DNAH6: variants seen among roughly 807,000 people sequenced by gnomAD.
The protein encoded by DNAH6 is dynein axonemal heavy chain 6, also known as axonemal beta dynein heavy chain 6.
DNAH6 carries 340 observed loss-of-function variants against 491.4 expected under a neutral mutation model. That is an observed-to-expected ratio of 0.69 (90% CI 0.63 to 0.76). The LOEUF (loss-of-function observed/expected upper bound fraction) is 0.76, where lower values mean the gene tolerates loss of function less well. Among genes scored for constraint, DNAH6 ranks in the 30% least tolerant of loss-of-function variants. The probability of loss-of-function intolerance (pLI) is 0.00; values close to 1 mark genes in which losing one functional copy is unlikely to be tolerated. For missense variants in DNAH6, 4,443 were observed against 4,972.2 expected, an observed-to-expected ratio of 0.89 and a Z score of 3.20; for synonymous variants, 1,603 against 1,686.1, an observed-to-expected ratio of 0.95 and a Z score of 1.21.
intron 61 of DNAH6, among the ~76,000 whole-genome samples, chr2:84,729,707 A>G (rs1698965881): frequency 6.6e-6 from 1 of 152,204 alleles, no homozygotes; most frequent in Non-Finnish European, 1.5e-5. Flanking sequence ...TCTCTGAATT[A>G]TTTTTAATTA....
At chr2:84,516,971 A>G (rs1163737452) in intron 1 of DNAH6, among the ~76,000 whole-genome samples, 5 of 152,236 alleles carry the variant, frequency 3.3e-5, no homozygotes, top group African/African-American at 4.8e-5. Flanking sequence ...TATGTTTTGT[A>G]TATGGTAAAT....
At chr2:84,511,227 C>T in the DNAH6 span, among the ~76,000 whole-genome samples, 1 of 152,188 alleles carries the variant, frequency 6.6e-6, no homozygotes, top group Non-Finnish European at 1.5e-5. Context: ...CCACCCAGTT[C>T]GAGCTTCCTG....
chr2:84,521,325 G>T (rs763239550), intron 2 of DNAH6, among the ~76,000 whole-genome samples: 5 of 151,674 alleles, frequency 3.3e-5, no homozygotes, highest in Admixed American at 1.3e-4. Flanking sequence ...GGGTTTGTTT[G>T]TGGGTTTTTT....
intron 13 of DNAH6, among the ~76,000 whole-genome samples, chr2:84,578,857 C>G (rs1341787515): frequency 6.6e-6 from 1 of 152,156 alleles, no homozygotes; most frequent in Non-Finnish European, 1.5e-5. Flanking sequence ...GTTCTCCTGA[C>G]AGTAAGTGAA....
At chr2:84,487,405 C>T in the DNAH6 span, among the ~76,000 whole-genome samples, 3 of 152,134 alleles carry the variant, frequency 2.0e-5, no homozygotes, top group Non-Finnish European at 4.4e-5. Flanking sequence ...TAATATGAAC[C>T]CTGTGAAGAG....
At chr2:84,639,539 C>G (rs1170265970) in intron 31 of DNAH6, among the ~76,000 whole-genome samples, 1 of 151,890 alleles carries the variant, frequency 6.6e-6, no homozygotes, top group Non-Finnish European at 1.5e-5. Flanking sequence ...CTACCTCAGC[C>G]TCCCAAGTAG....
At chr2:84,688,620 T>C in intron 45 of DNAH6, 27 bp downstream of exon 45, 1 of 1,488,654 alleles carries the variant, frequency 6.7e-7, no homozygotes, top group Non-Finnish European at 8.9e-7. Context: ...CGCCCAATAA[T>C]GCATTGATTT....
chr2:84,523,194 G>T (rs918393478), intron 2 of DNAH6, among the ~76,000 whole-genome samples: 18 of 152,038 alleles, frequency 1.2e-4, no homozygotes, highest in Admixed American at 8.5e-4. Context: ...GGGTGTATGT[G>T]TCCAGGAATT....
At chr2:84,596,694 A>G (rs1369586335) in intron 18 of DNAH6, among the ~76,000 whole-genome samples, 1 of 152,164 alleles carries the variant, frequency 6.6e-6, no homozygotes, top group Non-Finnish European at 1.5e-5. Context: ...GTGGAGAAGA[A>G]AAGTAAGCAA....
the DNAH6 span, among the ~76,000 whole-genome samples, chr2:84,483,671 T>C: frequency 6.6e-6 from 1 of 152,154 alleles, no homozygotes; most frequent in African/African-American, 2.4e-5. Flanking sequence ...GGATTTAATA[T>C]AAAAACCTTA....
At chr2:84,513,077 T>C (rs977339491), upstream of DNAH6, among the ~76,000 whole-genome samples, 2 of 152,124 alleles carry the variant, frequency 1.3e-5, no homozygotes, top group Admixed American at 1.3e-4. Flanking sequence ...GGTAGATTTT[T>C]TTAAGTGTAC....
chr2:84,759,570 G>T (rs1195117503), intron 63 of DNAH6, among the ~76,000 whole-genome samples: 2 of 151,788 alleles, frequency 1.3e-5, no homozygotes, highest in Admixed American at 1.3e-4. Flanking sequence ...GGAAGTGAAA[G>T]ATCTCTACAA....
intron 72 of DNAH6, among the ~76,000 whole-genome samples, chr2:84,809,766 TGG>T (rs1406206220): frequency 6.6e-6 from 1 of 152,198 alleles, no homozygotes; most frequent in Admixed American, 6.5e-5. Flanking sequence ...CTTCTGTGTC[TGG>T]GTCTAAGGTG....
rs575430198 is a variant in DNAH6 at position 84,816,994 on chromosome 2, A to G, written c.12373+911A>G. ...TGTTTTCTAGGTAACCTGAAAGGAG[A>G]AAATAAAGAATGGAGGAGAGAGAAT... On this transcript the variant is annotated intron_variant, in intron 76 of 76. Transcript: ENST00000389394. 3.9e-5 allele frequency among the ~76,000 whole-genome samples: 6 copies of G among 152,310 alleles called. No individual in the cohort carries two copies. The South Asian group carries it at 1.2e-3, about 32-fold the overall frequency.
At chr2:84,798,720 G>T (rs1309799951) in intron 70 of DNAH6, among the ~76,000 whole-genome samples, 1 of 152,160 alleles carries the variant, frequency 6.6e-6, no homozygotes, top group African/African-American at 2.4e-5. Context: ...GTGGGAGAGT[G>T]CCCACAGCAC....
chr2:84,495,247 C>A, the DNAH6 span, among the ~76,000 whole-genome samples: 1 of 152,232 alleles, frequency 6.6e-6, no homozygotes, highest in Admixed American at 6.5e-5. Context: ...ACTGCAACCT[C>A]CACCTCCCGG....
chr2:84,776,287 G>A (rs1158920870), intron 64 of DNAH6, among the ~76,000 whole-genome samples: 1 of 152,204 alleles, frequency 6.6e-6, no homozygotes, highest in African/African-American at 2.4e-5. Context: ...TGCAGCATGT[G>A]CAGCATTGGC....
At chr2:84,530,199 A>G (rs1407365185) in intron 4 of DNAH6, among the ~76,000 whole-genome samples, 1 of 152,166 alleles carries the variant, frequency 6.6e-6, no homozygotes, top group Non-Finnish European at 1.5e-5. Context: ...TAAACCAGAC[A>G]TGAGTAAATT....
intron 22 of DNAH6, among the ~76,000 whole-genome samples, chr2:84,612,086 G>T (rs1446839376): frequency 1.3e-5 from 2 of 151,946 alleles, no homozygotes; most frequent in African/African-American, 2.4e-5. Flanking sequence ...TTAGTTTGTA[G>T]TTTCGGAAAA....
Sources: allele counts gnomAD v4.1 joint callset (sites outside exome capture counted in the v4.1 genomes callset), GRCh38; gene constraint gnomAD v4.1.1; transcripts MANE v1.5; gene names NCBI Gene and HGNC (gene_info 2026-07-23, HGNC 2026-07-21).